The following ABCA13 variants were observed in gnomAD, a reference collection of about 807,000 sequenced individuals.
ABCA13 encodes the protein ATP-binding cassette sub-family A member 13.
Under a neutral mutation model 478.7 loss-of-function variants are expected in ABCA13, and 476 were observed. The ratio of observed to expected loss-of-function variants is 0.99; its 90% CI spans 0.92 to 1.07. The LOEUF (loss-of-function observed/expected upper bound fraction) is 1.07, where lower values mean the gene tolerates loss of function less well. Among genes scored for constraint, ABCA13 ranks in the 50% least tolerant of loss-of-function variants. The pLI is 0.00. For synonymous variants in ABCA13, 2,252 were observed against 2,158.9 expected, an observed-to-expected ratio of 1.04 and a Z score of -1.20; for missense variants, 6,060 against 5,910.6, an observed-to-expected ratio of 1.03 and a Z score of -0.83.
intron 15 of ABCA13, among the ~76,000 whole-genome samples, chr7:48,260,717 C>T (rs1273811940): frequency 1.3e-5 from 2 of 151,824 alleles, no homozygotes; most frequent in African/African-American, 2.4e-5. Context: ...GTATAAATGT[C>T]TTCTTCTATT....
chr7:48,426,151 C>A (rs139502456), intron 41 of ABCA13, among the ~76,000 whole-genome samples: 100 of 152,292 alleles, frequency 6.6e-4, no homozygotes, highest in African/African-American at 1.9e-3. Context: ...AATCATTCTT[C>A]TTCTTATTAT....
At chr7:48,614,779 G>T (rs1264262688) in intron 58 of ABCA13, among the ~76,000 whole-genome samples, 1 of 148,398 alleles carries the variant, frequency 6.7e-6, no homozygotes, top group Non-Finnish European at 1.5e-5. Context: ...GTAAACTATC[G>T]CAAGAACAAA....
In ABCA13 at chr7:48,427,893, G is replaced by A. The variant is rs150214755; in HGVS notation, c.12565+22G>A. On this transcript the variant is annotated intron_variant, in intron 42 of 61. Transcript: ENST00000435803. ...TACTGTAAGTACAGAATGGCTTCCT[G>A]CATTTCTGCTGGAGGAACAATGACA... 968 of 1,485,394 alleles carry A rather than the reference G, an allele frequency of 6.5e-4. 9 individuals are homozygous for A. In the African/African-American group the frequency reaches 0.011, roughly 16 times the overall value. The allele number at this position is 1,485,394 out of a possible 1,614,324, so 92.0% of individuals were successfully genotyped here. A position where few individuals can be genotyped will look rare whatever the true frequency, so the allele number is the denominator to read the frequency against.
chr7:48,401,120 G>T (rs1007500530), intron 38 of ABCA13, among the ~76,000 whole-genome samples: 1 of 152,054 alleles, frequency 6.6e-6, no homozygotes, highest in African/African-American at 2.4e-5. Flanking sequence ...CTCTCTCTTG[G>T]GTTTTCCAAA....
chr7:48,341,303 C>T (rs1807124398), intron 29 of ABCA13, among the ~76,000 whole-genome samples: 1 of 152,144 alleles, frequency 6.6e-6, no homozygotes, highest in African/African-American at 2.4e-5. Context: ...GACCCCCTAC[C>T]ATGCTCCACC....
intron 3 of ABCA13, among the ~76,000 whole-genome samples, chr7:48,208,805 T>C (rs1276561015): frequency 6.6e-6 from 1 of 152,174 alleles, no homozygotes; most frequent in East Asian, 1.9e-4. Flanking sequence ...TATTTCTTTC[T>C]GTTGCTGGAT....
chr7:48,496,209 T>C (rs1411427614), intron 48 of ABCA13, among the ~76,000 whole-genome samples: 1 of 152,108 alleles, frequency 6.6e-6, no homozygotes, highest in African/African-American at 2.4e-5. Context: ...TTTTTGATTC[T>C]ATTATGATTT....
At chr7:48,554,185 T>C in intron 55 of ABCA13, among the ~76,000 whole-genome samples, 1 of 152,100 alleles carries the variant, frequency 6.6e-6, no homozygotes, top group Non-Finnish European at 1.5e-5. Context: ...TTGGCCTATG[T>C]GCCTGTTTTT....
intron 39 of ABCA13, among the ~76,000 whole-genome samples, chr7:48,408,184 T>A (rs1296837602): frequency 6.6e-6 from 1 of 152,218 alleles, no homozygotes; most frequent in Non-Finnish European, 1.5e-5. Context: ...TTTGTTCATC[T>A]TGTGTCACTG....
In ABCA13 at chr7:48,507,889, A is replaced by T. The variant is rs770300186; in HGVS notation, c.13364A>T (p.Gln4455Leu). The T allele has an allele frequency of 1.1e-5, 17 of 1,610,366 alleles. No homozygotes were observed. Among genetic ancestry groups the T allele is most frequent in the Non-Finnish European group, 1.4e-5 (17 of 1,178,300 alleles). ...ACCCGCAGCCTGGAGAGCATCCGTCAGTGTGGAGTGGCCCTCTGCATCGTG... is the reference window on the plus strand; with the variant it reads ...ACCCGCAGCCTGGAGAGCATCCGTCTGTGTGGAGTGGCCCTCTGCATCGTG... ...NEDKILESIRQCGVALCIVLG... is the reference protein window; with the variant it reads ...NEDKILESIRLCGVALCIVLG... Residue 4455 changes from glutamine (Q) to leucine (L), a missense_variant, in exon 50 of 62, where the codon CAG becomes CTG. Transcript: ENST00000435803.
intron 45 of ABCA13, among the ~76,000 whole-genome samples, chr7:48,475,122 T>A (rs1210875823): frequency 6.6e-6 from 1 of 152,116 alleles, no homozygotes; most frequent in Non-Finnish European, 1.5e-5. Flanking sequence ...ACTGCAAGAG[T>A]CCTTCCCTTT....
At chr7:48,481,773 G>A (rs1585527111) in intron 46 of ABCA13, among the ~76,000 whole-genome samples, 1 of 151,970 alleles carries the variant, frequency 6.6e-6, no homozygotes, top group Admixed American at 6.6e-5. Flanking sequence ...CTCCCAAAGT[G>A]CTAGGATTAC....
At chr7:48,195,159 C>A (rs1375622693) in intron 2 of ABCA13, among the ~76,000 whole-genome samples, 3 of 152,150 alleles carry the variant, frequency 2.0e-5, no homozygotes, top group African/African-American at 7.2e-5. Flanking sequence ...TAAAGTAGAA[C>A]CAAAAGGCAG....
chr7:48,526,347 T>C (rs1374315920), intron 54 of ABCA13, among the ~76,000 whole-genome samples: 1 of 152,150 alleles, frequency 6.6e-6, no homozygotes, highest in Non-Finnish European at 1.5e-5. Flanking sequence ...TTGTAAAACA[T>C]TGACAGAATG....
intron 25 of ABCA13, among the ~76,000 whole-genome samples, 161 bp from the exon 26 acceptor site, chr7:48,314,071 G>A (rs888418848): frequency 2.6e-5 from 4 of 151,816 alleles, no homozygotes; most frequent in African/African-American, 9.7e-5. Flanking sequence ...TGTTTCAAAT[G>A]GTATCCCAAG....
Position 48,427,674 on chromosome 7 carries a change from C to G in ABCA13, c.12460-92C>G, listed in dbSNP as rs1037849752. 6.3e-6 allele frequency: 5 copies of G among 793,676 alleles called. No individual in the cohort carries two copies. The Admixed American group carries it at 6.6e-5, about 10-fold the overall frequency. The allele number at this position is 793,676 out of a possible 1,614,324, so 49.2% of individuals were successfully genotyped here. ...ATGGGGTGTGTTTGGCATATGTTGT[C>G]ACAACCGGATTAGGCAATTGAGGCA... On this transcript the variant is annotated intron_variant, in intron 41 of 61. Coordinates refer to ENST00000435803, the MANE Select transcript of ABCA13 (RefSeq NM_152701.5).
chr7:48,352,288 C>T lies in ABCA13; in HGVS notation c.10489C>T (p.Arg3497Ter), dbSNP rs200761560. The T allele has an allele frequency of 5.5e-5, 89 of 1,613,810 alleles. No homozygotes were observed. Among genetic ancestry groups the T allele is most frequent in the East Asian group, 4.5e-4 (20 of 44,872 alleles). ...TIRTNVLYSV[R>*]TDVVKNPSWK... ...CCGGACCAATGTGTTATACAGCGTG[C>T]GAACAGATGTGGTAAAAAACCCTTC... Residue 3497 changes from arginine (R) to a stop codon, truncating the protein, a stop_gained, in exon 31 of 62, where the codon CGA (arginine) becomes TGA (stop). Coordinates refer to ENST00000435803, the MANE Select transcript of ABCA13 (RefSeq NM_152701.5). LOFTEE classifies it high-confidence loss of function.
Position 48,193,046 on chromosome 7 carries a change from G to A in ABCA13, c.157G>A (p.Asp53Asn), listed in dbSNP as rs2128895882. ...TTTTCAAGAACCTCCCAGATACAGA[G>A]ACATTTGTAAGTTTCACTTTTTAAT... is the stretch of plus-strand genomic sequence containing the variant. Reference protein sequence around the residue: ...LRFQEPPRYRDICYLQPRDLP... With the variant: ...LRFQEPPRYRNICYLQPRDLP... The change falls in exon 2 of 62, where the codon GAC (aspartate) becomes AAC (asparagine). Residue 53 changes from aspartate (D) to asparagine (N), a missense_variant. Asp to Asn is a conservative substitution (Grantham distance 23, BLOSUM62 1). Coordinates refer to ENST00000435803, the MANE Select transcript of ABCA13 (RefSeq NM_152701.5). 7 of 1,531,416 alleles carry A rather than the reference G, an allele frequency of 4.6e-6. No homozygotes were observed. Among genetic ancestry groups the A allele is most frequent in the Non-Finnish European group, 5.2e-6 (6 of 1,144,182 alleles). 94.9% of individuals were successfully genotyped at this position (1,531,416 alleles called of 1,614,324 possible). A position where few individuals can be genotyped will look rare whatever the true frequency, so the allele number is the denominator to read the frequency against.
intron 56 of ABCA13, among the ~76,000 whole-genome samples, chr7:48,584,222 A>G (rs1445741868): frequency 6.6e-6 from 1 of 152,152 alleles, no homozygotes; most frequent in African/African-American, 2.4e-5. Context: ...ACATACACAC[A>G]TTTTCATTCT....
Sources: allele counts gnomAD v4.1 joint callset (sites outside exome capture counted in the v4.1 genomes callset), GRCh38; gene constraint gnomAD v4.1.1; transcripts MANE v1.5; gene names NCBI Gene and HGNC (gene_info 2026-07-23, HGNC 2026-07-21).